Variants in IL24 observed in about 807,000 individuals in gnomAD.
IL24 encodes the protein interleukin 24.
IL24 carries 24 observed loss-of-function variants against 27.6 expected under a neutral mutation model. That is an observed-to-expected ratio of 0.87 (90% CI 0.63 to 1.22). The LOEUF is 1.22. Ranked by LOEUF, IL24 falls within the 50% of genes most tolerant of loss-of-function variation. IL24 has a pLI of 0.00. For synonymous variants in IL24, 99 were observed against 93.1 expected (o/e 1.06, Z -0.36); for missense variants, 240 against 237.0 (o/e 1.01, Z -0.08).
intron 3 of IL24, 51 bp from the exon 4 acceptor site, chr1:206,900,244 T>C: frequency 6.5e-7 from 1 of 1,546,848 alleles, no homozygotes; most frequent in South Asian, 1.1e-5. Context: ...GCAGAGTTGG[T>C]TTCTATGCTG....
intron 4 of IL24, among the ~76,000 whole-genome samples, chr1:206,901,289 C>T (rs1678365703): frequency 6.6e-6 from 1 of 152,134 alleles, no homozygotes; most frequent in African/African-American, 2.4e-5. Flanking sequence ...TCATTTCTCT[C>T]CCTGGGTCTT....
At chr1:206,901,922 A>C in intron 5 of IL24, 76 bp from the exon 6 acceptor site, 1 of 1,443,496 alleles carries the variant, frequency 6.9e-7, no homozygotes, top group East Asian at 2.3e-5. Context: ...CTGTGGCATC[A>C]GCAGGAAAAC....
rs778380781 is a variant in IL24 at position 206,903,348 on chromosome 1, T to C, written c.*289T>C. 4 of 333,452 alleles carry C rather than the reference T, an allele frequency of 1.2e-5. No individual in the cohort carries two copies. Among genetic ancestry groups the C allele is most frequent in the Non-Finnish European group, 1.7e-5 (3 of 177,620 alleles). 20.7% of individuals were successfully genotyped at this position (333,452 alleles called of 1,614,324 possible). On this transcript the variant is annotated 3_prime_UTR_variant, in exon 7 of 7. Transcript: ENST00000294984. The stretch of plus-strand genomic sequence containing the variant: ...CTGAAGTTCTATTTATTTGTGAGAC[T>C]GTAAGTTACATGAAGGCAGCAGAAT...
intron 2 of IL24, among the ~76,000 whole-genome samples, chr1:206,898,511 A>G (rs1678245846): frequency 6.6e-6 from 1 of 152,050 alleles, no homozygotes; most frequent in Admixed American, 6.5e-5. Context: ...GAGGGAGGGA[A>G]AGGACAAAGG....
chr1:206,900,730 C>T (rs948299784), intron 4 of IL24, among the ~76,000 whole-genome samples: 5 of 152,010 alleles, frequency 3.3e-5, no homozygotes, highest in Admixed American at 2.6e-4. Context: ...GTCCATCTGG[C>T]CTTTGATGTC....
At chr1:206,902,950 G>A in intron 6 of IL24, 26 bp from the exon 7 acceptor site, 1 of 1,614,074 alleles carries the variant, frequency 6.2e-7, no homozygotes. Context: ...TAACATGGCT[G>A]ACCTTCAACC....
chr1:206,898,471 G>T (rs932469899), intron 2 of IL24, among the ~76,000 whole-genome samples: 3 of 151,774 alleles, frequency 2.0e-5, no homozygotes, highest in African/African-American at 7.3e-5. Flanking sequence ...AAAGAAGGAA[G>T]AAAGAAAGGT....
rs758042853 is a variant in IL24, at chr1:206,901,554, A to G, written c.364A>G (p.Lys122Glu). 1 of 1,614,140 alleles carries G rather than the reference A, an allele frequency of 6.2e-7. No individual in the cohort carries two copies. The highest frequency in any genetic ancestry group is 2.2e-5 in the East Asian group (1 of 44,882). The change falls in exon 5 of 7, where the codon AAA becomes GAA. Residue 122 changes from lysine to glutamate, a missense_variant. Coordinates refer to ENST00000294984, the MANE Select transcript of IL24 (RefSeq NM_006850.3). ...LLEFYLKTVFKNYHNRTVEVR... is the reference protein window; with the variant it reads ...LLEFYLKTVFENYHNRTVEVR... ...GGAGTTCTACTTGAAAACTGTTTTC[A>G]AAAACTACCACAATAGAACAGTTGA...
chr1:206,901,130 T>C (rs2102525423), intron 4 of IL24, among the ~76,000 whole-genome samples: 1 of 152,326 alleles, frequency 6.6e-6, no homozygotes, highest in Non-Finnish European at 1.5e-5. Context: ...AAGTCCAAGT[T>C]CAAGCCCTTT....
At chr1:206,897,998 CA>C (rs3093418) in intron 2 of IL24, 122 bp downstream of exon 2, 649 of 531,448 alleles carry the variant, frequency 1.2e-3, no homozygotes, top group South Asian at 1.4e-3. Flanking sequence ...ACTAAAAATA[CA>C]AAAAAAAATT....
At position 206,903,131 on chromosome 1, in the gene IL24, C is replaced by T; in HGVS notation, c.*72C>T. The T allele has an allele frequency of 7.7e-7, 1 of 1,296,698 alleles. No individual in the cohort carries two copies. Among genetic ancestry groups the T allele is most frequent in the Non-Finnish European group, 1.1e-6 (1 of 891,392 alleles). 80.3% of individuals were successfully genotyped at this position (1,296,698 alleles called of 1,614,324 possible). A position where few individuals can be genotyped will look rare whatever the true frequency, so the allele number is the denominator to read the frequency against. The stretch of plus-strand genomic sequence containing the variant: ...GTGTCATTTCAAACAGTCTCCCTTC[C>T]TATGCTGTTCACTGGACACTTCACG... On this transcript the variant is annotated 3_prime_UTR_variant, in exon 7 of 7. Transcript: ENST00000294984.
At chr1:206,901,180 T>C (rs1572606130) in intron 4 of IL24, among the ~76,000 whole-genome samples, 1 of 152,170 alleles carries the variant, frequency 6.6e-6, no homozygotes, top group Admixed American at 6.5e-5. Flanking sequence ...AAAGAGGCCA[T>C]GTGGCATAGA....
Position 206,903,220 on chromosome 1 carries a change from C to T in IL24, c.*161C>T, listed in dbSNP as rs1223084181. 2.5e-5 allele frequency: 16 copies of T among 628,630 alleles called. No individual in the cohort carries two copies. In the East Asian group the frequency reaches 2.7e-4, roughly 11 times the overall value. The allele number at this position is 628,630 out of a possible 1,614,324, so 38.9% of individuals were successfully genotyped here. A position where few individuals can be genotyped will look rare whatever the true frequency, so the allele number is the denominator to read the frequency against. On this transcript the variant is annotated 3_prime_UTR_variant, in exon 7 of 7. Transcript: ENST00000294984. ...GTCAAAGAAGTCATTCTTTAAGCAG[C>T]GCCAGTGACAGTCAGGGAAGGTGCC...
At chr1:206,901,444 G>A (rs780447618) in intron 4 of IL24, 50 bp from the exon 5 acceptor site, 7 of 1,564,704 alleles carry the variant, frequency 4.5e-6, no homozygotes, top group Non-Finnish European at 5.2e-6. Context: ...CCTTCAGGGG[G>A]TCAGGGTGGG....
rs758243163 is a variant in IL24, at chr1:206,899,339, C to T, written c.64C>T (p.Leu22=). The change falls in exon 3 of 7, where the codon CTG becomes TTG. Residue 22 remains leucine, a synonymous_variant. Transcript: ENST00000294984. ...CAGCAGACCCTTCTGCCCTCCTTTG[C>T]TGGCGACAGCCTCTCAAATGCAGAT... ...TLARPFCPPL[L]ATASQMQMVV... 3.7e-6 allele frequency: 6 copies of T among 1,614,010 alleles called. No homozygotes were observed. The highest frequency in any genetic ancestry group is 5.1e-6 in the Non-Finnish European group (6 of 1,179,944).
chr1:206,899,157 C>G (rs1400928389), intron 2 of IL24, among the ~76,000 whole-genome samples, 163 bp from the exon 3 acceptor site: 5 of 152,208 alleles, frequency 3.3e-5, no homozygotes, highest in Non-Finnish European at 7.3e-5. Context: ...CCCTGCTTCA[C>G]CCCCACTGCA....
chr1:206,902,872 C>A, intron 6 of IL24, 104 bp from the exon 7 acceptor site: 1 of 1,592,732 alleles, frequency 6.3e-7, no homozygotes, highest in Non-Finnish European at 8.6e-7. Context: ...CAAAGGTGAC[C>A]CATCCCTTGG....
chr1:206,898,187 G>C (rs1315952577), intron 2 of IL24, among the ~76,000 whole-genome samples: 19 of 124,314 alleles, frequency 1.5e-4, no homozygotes, highest in Non-Finnish European at 2.5e-4. Flanking sequence ...AAAAAAAAAA[G>C]CCTGTGGAGT....
At chr1:206,902,129 C>G (rs1466686533) in intron 6 of IL24, 57 bp downstream of exon 6, 4 of 1,602,220 alleles carry the variant, frequency 2.5e-6, no homozygotes, top group Non-Finnish European at 3.4e-6. Context: ...TCTGCACCAT[C>G]ACACGAGGGC....
Sources: gnomAD v4.1 joint callset for allele counts (sites outside exome capture counted in the v4.1 genomes callset) on GRCh38, gnomAD v4.1.1 for gene constraint, MANE v1.5 for transcripts, NCBI Gene and HGNC (gene_info 2026-07-23, HGNC 2026-07-21) for gene names.